Variants in LDAH observed in about 807,000 individuals in gnomAD.
The protein encoded by LDAH is lipid droplet associated hydrolase, also known as lipid droplet-associated hydrolase.
Under a neutral mutation model 29.6 loss-of-function variants are expected in LDAH, and 26 were observed. The ratio of observed to expected loss-of-function variants is 0.88; its 90% confidence interval spans 0.64 to 1.22. The LOEUF is 1.22. Among genes scored for constraint, LDAH ranks in the 50% most tolerant of loss-of-function variants. The pLI is 0.00. For missense variants in LDAH, 344 were observed against 387.3 expected, an observed-to-expected ratio of 0.89 and a Z score of 0.94; for synonymous variants, 117 against 133.0, an observed-to-expected ratio of 0.88 and a Z score of 0.83.
In LDAH at chr2:20,698,250, C is replaced by A. The variant is rs111782415; in HGVS notation, c.786+3320G>T. ...AAGAAGACACAGCTCCTTACCTCAA[C>A]GTGGGGAAAGGTGAAGGTTGATTGT... is the stretch of plus-strand genomic sequence containing the variant. On this transcript the variant is annotated intron_variant, in intron 6 of 6. Transcript: ENST00000237822. The surrounding 1 kb of genome is among the most constrained non-coding windows in gnomAD (Gnocchi z 4.4). 3.0e-4 allele frequency among the ~76,000 whole-genome samples: 45 copies of A among 152,238 alleles called. No homozygotes were observed. The highest frequency in any genetic ancestry group is 1.1e-3 in the African/African-American group (44 of 41,532).
intron 1 of LDAH, among the ~76,000 whole-genome samples, chr2:20,807,077 T>C (rs1232117705): frequency 6.6e-6 from 1 of 151,626 alleles, no homozygotes; most frequent in Non-Finnish European, 1.5e-5. Flanking sequence ...ATATCAGAAG[T>C]GAAAAAAGGA....
intron 2 of LDAH, among the ~76,000 whole-genome samples, chr2:20,794,306 T>C (rs1413531259): frequency 1.3e-5 from 2 of 152,094 alleles, no homozygotes; most frequent in Non-Finnish European, 2.9e-5. Context: ...CACGTGGAAA[T>C]TGTGGGAGTT....
intron 5 of LDAH, among the ~76,000 whole-genome samples, chr2:20,710,849 G>A (rs1405445015): frequency 5.3e-5 from 8 of 151,588 alleles, no homozygotes; most frequent in Admixed American, 2.0e-4. Flanking sequence ...ATTCTAAGAC[G>A]TCTTTCAAAT....
Position 20,802,709 on chromosome 2 carries a change from T to C in LDAH, c.-2-1244A>G, listed in dbSNP as rs180946562. ...TCTTCTTGTCCTTGAATTTCCCTAG[T>C]GCCCCTACGCTTTTCTGCTTCTATA... On this transcript the variant is annotated intron_variant, in intron 1 of 6. Transcript: ENST00000237822. 5.8e-3 allele frequency among the ~76,000 whole-genome samples: 890 copies of C among 152,330 alleles called. 33 individuals are homozygous for C. The highest frequency in any genetic ancestry group is 0.05 in the Admixed American group (767 of 15,286).
At chr2:20,783,763 G>A (rs2125050111) in intron 3 of LDAH, among the ~76,000 whole-genome samples, 1 of 152,332 alleles carries the variant, frequency 6.6e-6, no homozygotes, top group African/African-American at 2.4e-5. Context: ...CCAGACTAGA[G>A]TGCAGTGGCA....
chr2:20,776,788 T>A (rs528701839), intron 3 of LDAH, among the ~76,000 whole-genome samples: 6 of 152,212 alleles, frequency 3.9e-5, no homozygotes, highest in African/African-American at 1.4e-4. Flanking sequence ...TTCTTTGATA[T>A]AAAAAACCAC....
intron 1 of LDAH, among the ~76,000 whole-genome samples, chr2:20,822,214 T>C (rs1298457837): frequency 6.6e-6 from 1 of 151,832 alleles, no homozygotes; most frequent in Non-Finnish European, 1.5e-5. Flanking sequence ...AAGCTCCACC[T>C]CCCGGGTTCA....
At chr2:20,699,074 T>C (rs142699608) in intron 6 of LDAH, among the ~76,000 whole-genome samples, 160 of 152,328 alleles carry the variant, frequency 1.1e-3, no homozygotes, top group African/African-American at 3.5e-3. Flanking sequence ...AACTTTCCTG[T>C]GGCATTCTGG....
intron 5 of LDAH, among the ~76,000 whole-genome samples, chr2:20,710,606 G>GTGTGTGTATATATATATCTA (rs1467950593): frequency 7.6e-6 from 1 of 131,874 alleles, no homozygotes. Flanking sequence ...GTGTGTGTGT[G>GTGTGTGTATATATATATCTA]TATATATATA....
At chr2:20,731,740 T>C (rs1253054381) in intron 5 of LDAH, among the ~76,000 whole-genome samples, 1 of 152,194 alleles carries the variant, frequency 6.6e-6, no homozygotes, top group African/African-American at 2.4e-5. Flanking sequence ...TGCTAGTGTA[T>C]GCAAATAATA....
rs184881573 is a variant in LDAH at position 20,810,523 on chromosome 2, T to C, written c.-2-9058A>G. 2.6e-5 allele frequency among the ~76,000 whole-genome samples: 4 copies of C among 152,328 alleles called. No homozygotes were observed. In the East Asian group the frequency reaches 7.7e-4, roughly 29 times the overall value. On this transcript the variant is annotated intron_variant, in intron 1 of 6. Coordinates refer to ENST00000237822, the MANE Select transcript of LDAH (RefSeq NM_021925.4). ...GTCAGTAGAAGAAGTGTCAAAGTCATATTGTAAAAAGAACATGTGGTATGG... is the reference window on the plus strand; with the variant it reads ...GTCAGTAGAAGAAGTGTCAAAGTCACATTGTAAAAAGAACATGTGGTATGG...
Position 20,773,015 on chromosome 2 carries a change from A to C in LDAH, c.468+1795T>G, listed in dbSNP as rs181501018. Among the ~76,000 whole-genome samples, 21 of 152,326 alleles carry C rather than the reference A, an allele frequency of 1.4e-4. No homozygotes were observed. In the East Asian group the frequency reaches 1.7e-3, roughly 13 times the overall value. On this transcript the variant is annotated intron_variant, in intron 4 of 6. Transcript: ENST00000237822. ...TTCTGACCAGAAACTACGAGTGAAGAAATGTGTATTGTTTTACACTGCTAA... is the reference window on the plus strand; with the variant it reads ...TTCTGACCAGAAACTACGAGTGAAGCAATGTGTATTGTTTTACACTGCTAA...
intron 2 of LDAH, among the ~76,000 whole-genome samples, chr2:20,792,458 T>A (rs1029124789): frequency 3.3e-5 from 5 of 152,176 alleles, no homozygotes; most frequent in African/African-American, 1.2e-4. Flanking sequence ...AAATATTTGA[T>A]GACTGAAAGT....
Position 20,684,453 on chromosome 2 carries a change from T to C in LDAH, c.*2450A>G, listed in dbSNP as rs1662418866. 6.4e-6 allele frequency: 1 copy of C among 155,334 alleles called. No individual in the cohort carries two copies. Among genetic ancestry groups the C allele is most frequent in the African/African-American group, 2.4e-5 (1 of 41,618 alleles). 9.6% of individuals were successfully genotyped at this position (155,334 alleles called of 1,614,324 possible). On this transcript the variant is annotated 3_prime_UTR_variant, in exon 7 of 7. Transcript: ENST00000237822. ...ACGAGGTCTCGTTTTTTGCACGGGC[T>C]GGTCTCAAACTCCTAGCCTCAAACG...
chr2:20,787,379 T>A (rs963104022), intron 3 of LDAH, among the ~76,000 whole-genome samples: 4 of 152,162 alleles, frequency 2.6e-5, no homozygotes, highest in Non-Finnish European at 5.9e-5. Context: ...CTGCAACCTC[T>A]GCCTCCAAGG....
chr2:20,820,388 A>C (rs1673175602), intron 1 of LDAH, among the ~76,000 whole-genome samples: 2 of 152,190 alleles, frequency 1.3e-5, no homozygotes, highest in Admixed American at 6.5e-5. Context: ...CAGTAACCAA[A>C]ACAGCATGGT....
intron 5 of LDAH, among the ~76,000 whole-genome samples, chr2:20,735,410 A>G (rs1027280562): frequency 7.9e-5 from 12 of 151,188 alleles, no homozygotes; most frequent in African/African-American, 2.7e-4. Context: ...TGTTGGTTCC[A>G]TCCATTGAGA....
intron 2 of LDAH, among the ~76,000 whole-genome samples, chr2:20,792,491 A>C (rs1671034356): frequency 6.6e-6 from 1 of 152,192 alleles, no homozygotes; most frequent in Admixed American, 6.6e-5. Context: ...AAATCATAAT[A>C]CTGAATTTTT....
At chr2:20,808,535 G>T (rs1334855148) in intron 1 of LDAH, among the ~76,000 whole-genome samples, 1 of 151,876 alleles carries the variant, frequency 6.6e-6, no homozygotes, top group Non-Finnish European at 1.5e-5. Flanking sequence ...GTGGTGGCGG[G>T]CGTCTATAAT....
Sources: gnomAD v4.1 joint callset for allele counts (sites outside exome capture counted in the v4.1 genomes callset) on GRCh38, gnomAD v4.1.1 for gene constraint, Gnocchi (gnomAD v3.1) non-coding constraint, MANE v1.5 for transcripts, NCBI Gene and HGNC (gene_info 2026-07-23, HGNC 2026-07-21) for gene names.